NIM1K: variants seen among roughly 807,000 people sequenced by gnomAD.
The protein encoded by NIM1K is serine/threonine-protein kinase NIM1.
NIM1K carries 35 observed loss-of-function variants against 37.1 expected under a neutral mutation model. The ratio of observed to expected loss-of-function variants is 0.94; its 90% CI spans 0.72 to 1.25. The LOEUF is 1.25. Ranked by LOEUF, NIM1K falls within the 50% of genes most tolerant of loss-of-function variation. NIM1K has a pLI of 0.00. For synonymous variants in NIM1K, 234 were observed against 206.6 expected, an observed-to-expected ratio of 1.13 and a Z score of -1.14; for missense variants, 564 against 548.0, an observed-to-expected ratio of 1.03 and a Z score of -0.29.
At chr5:43,211,803 A>G (rs1479061432) in intron 1 of NIM1K, among the ~76,000 whole-genome samples, 1 of 152,206 alleles carries the variant, frequency 6.6e-6, no homozygotes, top group African/African-American at 2.4e-5. Flanking sequence ...TAAAATCTAC[A>G]TTTTGGAATA....
At position 43,214,128 on chromosome 5, in the gene NIM1K, C is replaced by A. The variant is rs78596655; in HGVS notation, c.-695+21717C>A. 9.8e-3 allele frequency among the ~76,000 whole-genome samples: 1,488 copies of A among 152,154 alleles called. 90 individuals are homozygous for A. In the East Asian group the frequency reaches 0.16, roughly 16 times the overall value. ...CCAAAAATATCTCAGTTTTGGAATGCTGGACTCGACCATCCCAGGCATCTG... is the reference window on the plus strand; with the variant it reads ...CCAAAAATATCTCAGTTTTGGAATGATGGACTCGACCATCCCAGGCATCTG... On this transcript the variant is annotated intron_variant, in intron 1 of 3. Transcript: ENST00000326035.
intron 1 of NIM1K, chr5:43,207,702 G>T (rs1349429680): frequency 2.0e-5 from 10 of 511,766 alleles, no homozygotes; most frequent in Non-Finnish European, 3.8e-5. Flanking sequence ...TCATAGAACA[G>T]TTGCTCTATG....
At chr5:43,201,250 C>G (rs976714319) in intron 1 of NIM1K, among the ~76,000 whole-genome samples, 1 of 151,648 alleles carries the variant, frequency 6.6e-6, no homozygotes, top group Admixed American at 6.6e-5. Flanking sequence ...TCTACTAAAA[C>G]TACAAAAAAT....
rs1308025729 is a variant in NIM1K, at chr5:43,279,991, A to G, written c.573A>G (p.Gln191=). 1 of 1,606,976 alleles carries G rather than the reference A, an allele frequency of 6.2e-7. No homozygotes were observed. Among genetic ancestry groups the G allele is most frequent in the Non-Finnish European group, 8.5e-7 (1 of 1,174,270 alleles). ...GTCTTCTTCCACAGCATGAAAACCAAATTATTCATAGAGATCTGAAAGCAG... is the reference window on the plus strand; with the variant it reads ...GTCTTCTTCCACAGCATGAAAACCAGATTATTCATAGAGATCTGAAAGCAG... ...VSAVKHMHEN[Q]IIHRDLKAEN... is the part of the protein sequence containing the mutation. The change falls in exon 4 of 4, where the codon CAA becomes CAG. Residue 191 remains glutamine, a synonymous_variant. Transcript: ENST00000326035.
intron 1 of NIM1K, chr5:43,206,954 GAA>G (rs1227305471): frequency 2.6e-6 from 2 of 763,044 alleles, no homozygotes; most frequent in African/African-American, 3.4e-5. Flanking sequence ...ACAAGGCAAA[GAA>G]GAGATCGACG....
chr5:43,230,838 C>G (rs1295919441), intron 1 of NIM1K, among the ~76,000 whole-genome samples: 1 of 152,256 alleles, frequency 6.6e-6, no homozygotes, highest in East Asian at 1.9e-4. Context: ...CTAGTTCAAT[C>G]TGCATTTTAC....
At chr5:43,203,857 C>T (rs1017075840) in intron 1 of NIM1K, among the ~76,000 whole-genome samples, 4 of 151,814 alleles carry the variant, frequency 2.6e-5, no homozygotes, top group African/African-American at 9.7e-5. Context: ...GAAACCCCGT[C>T]TCTACTAGAA....
chr5:43,196,371 G>A (rs1438547014), intron 1 of NIM1K, among the ~76,000 whole-genome samples: 2 of 152,136 alleles, frequency 1.3e-5, no homozygotes, highest in Non-Finnish European at 2.9e-5. Flanking sequence ...GCTTACGCCT[G>A]TAATCCCAGC....
chr5:43,251,137 A>T (rs1333231336), intron 2 of NIM1K, among the ~76,000 whole-genome samples: 1 of 152,242 alleles, frequency 6.6e-6, no homozygotes, highest in Admixed American at 6.5e-5. Context: ...TTATTTCAAA[A>T]AGGTATTTAA....
chr5:43,205,888 A>G (rs1316196342), intron 1 of NIM1K, among the ~76,000 whole-genome samples: 1 of 151,794 alleles, frequency 6.6e-6, no homozygotes, highest in African/African-American at 2.4e-5. Context: ...GATTTTTTGT[A>G]TTTTTAGTAG....
At chr5:43,213,937 C>CTTTT (rs1752258647) in intron 1 of NIM1K, among the ~76,000 whole-genome samples, 1 of 150,796 alleles carries the variant, frequency 6.6e-6, no homozygotes, top group Non-Finnish European at 1.5e-5. Flanking sequence ...CTCTTTCTCT[C>CTTTT]TTTCTTTCTT....
chr5:43,258,817 G>T (rs901290147), intron 2 of NIM1K, among the ~76,000 whole-genome samples: 3 of 151,496 alleles, frequency 2.0e-5, no homozygotes, highest in African/African-American at 7.3e-5. Flanking sequence ...AGTGGTTTTT[G>T]GTTACAATGA....
At chr5:43,266,883 G>A (rs1014220947) in intron 2 of NIM1K, among the ~76,000 whole-genome samples, 1 of 152,156 alleles carries the variant, frequency 6.6e-6, no homozygotes, top group African/African-American at 2.4e-5. Context: ...TTGCATCTAT[G>A]TTCATCAGGA....
intron 2 of NIM1K, among the ~76,000 whole-genome samples, chr5:43,264,252 GTCTAAGTC>G (rs1415070563): frequency 4.6e-5 from 7 of 152,184 alleles, no homozygotes; most frequent in African/African-American, 1.7e-4. Context: ...TTGTTTGGGA[GTCTAAGTC>G]TCTTTGTAGG....
rs114176547 is a variant in NIM1K at position 43,228,689 on chromosome 5, G to A, written c.-694-16393G>A. Among the ~76,000 whole-genome samples the A allele has an allele frequency of 5.2e-3, 795 of 151,794 alleles. 2 individuals are homozygous for A. The highest frequency in any genetic ancestry group is 0.018 in the African/African-American group (764 of 41,448). On this transcript the variant is annotated intron_variant, in intron 1 of 3. Coordinates refer to ENST00000326035, the MANE Select transcript of NIM1K (RefSeq NM_153361.4). ...AAAAAAAAACCCTAAAAATCAGCTA[G>A]GTGTGGCAGGGCACATCTGTGATCC...
At chr5:43,275,863 G>T (rs191834472) in intron 2 of NIM1K, among the ~76,000 whole-genome samples, 1 of 151,298 alleles carries the variant, frequency 6.6e-6, no homozygotes, top group East Asian at 1.9e-4. Flanking sequence ...AGCCATTCTC[G>T]CATTTCTATA....
chr5:43,201,547 T>C (rs1234252547), intron 1 of NIM1K, among the ~76,000 whole-genome samples: 1 of 152,196 alleles, frequency 6.6e-6, no homozygotes, highest in African/African-American at 2.4e-5. Flanking sequence ...TATGATTGGA[T>C]CTAAGAGCAT....
intron 1 of NIM1K, among the ~76,000 whole-genome samples, chr5:43,214,020 G>C (rs1752261686): frequency 6.8e-6 from 1 of 146,582 alleles, no homozygotes; most frequent in Admixed American, 7.0e-5. Flanking sequence ...ACCCAGGCTG[G>C]TCTTGAACAC....
intron 2 of NIM1K, among the ~76,000 whole-genome samples, chr5:43,259,993 A>C (rs1338477782): frequency 6.6e-6 from 1 of 152,082 alleles, no homozygotes; most frequent in South Asian, 2.1e-4. Context: ...ATTCTCCTAC[A>C]TGGGGCTATC....
Sources: allele counts gnomAD v4.1 joint callset (sites outside exome capture counted in the v4.1 genomes callset), GRCh38; gene constraint gnomAD v4.1.1; transcripts MANE v1.5; gene names NCBI Gene and HGNC (gene_info 2026-07-23, HGNC 2026-07-21).